The following PRR27 variants were observed in gnomAD, a reference collection of about 807,000 sequenced individuals.
The protein encoded by PRR27 is proline-rich protein 27.
Under a neutral mutation model 16.8 loss-of-function variants are expected in PRR27, and 12 were observed. The observed-to-expected ratio is 0.71, with a 90% CI of 0.46 to 1.16. The LOEUF (loss-of-function observed/expected upper bound fraction) is 1.16. Among genes scored for constraint, PRR27 ranks in the 50% most tolerant of loss-of-function variants. The probability of loss-of-function intolerance (pLI) is 0.00; values close to 1 mark genes in which losing one functional copy is unlikely to be tolerated. For synonymous variants in PRR27, 100 were observed against 98.4 expected (o/e 1.02, Z -0.10); for missense variants, 277 against 273.3 (o/e 1.01, Z -0.10).
At chr4:70,154,451 G>T in intron 1 of PRR27, 25 bp downstream of exon 1, 1 of 1,560,218 alleles carries the variant, frequency 6.4e-7, no homozygotes, top group Non-Finnish European at 8.8e-7. Context: ...TTCCAAAATT[G>T]TAACAATTGT....
intron 2 of PRR27, among the ~76,000 whole-genome samples, chr4:70,157,582 G>A (rs1728515979): frequency 6.6e-6 from 1 of 151,868 alleles, no homozygotes; most frequent in African/African-American, 2.4e-5. Context: ...GCAGTGGCCT[G>A]ATCTCAGCTC....
chr4:70,155,918 A>C, intron 1 of PRR27, 136 bp from the exon 2 acceptor site: 1 of 590,854 alleles, frequency 1.7e-6, no homozygotes, highest in Non-Finnish European at 3.0e-6. Flanking sequence ...AAAAAAATTC[A>C]TATTAGTTAC....
At chr4:70,159,368 G>A (rs146269643) in intron 3 of PRR27, among the ~76,000 whole-genome samples, 13 of 152,234 alleles carry the variant, frequency 8.5e-5, no homozygotes, top group East Asian at 1.9e-4. Context: ...CAGATACGCC[G>A]TAATTCATTT....
At chr4:70,154,883 C>A in intron 1 of PRR27, 1 of 684,174 alleles carries the variant, frequency 1.5e-6, no homozygotes, top group Non-Finnish European at 2.2e-6. Context: ...TAGTGTAATG[C>A]AATGGCCTTT....
At chr4:70,161,523 A>G (rs545384696) in intron 3 of PRR27, 63 bp from the exon 4 acceptor site, 21 of 1,070,444 alleles carry the variant, frequency 2.0e-5, no homozygotes, top group Middle Eastern at 2.1e-4. Context: ...AGATAGGCCC[A>G]ATACTATGAA....
chr4:70,161,690 T>A, intron 4 of PRR27, 60 bp downstream of exon 4: 1 of 759,198 alleles, frequency 1.3e-6, no homozygotes, highest in Non-Finnish European at 2.1e-6. Context: ...AATCTCATAA[T>A]CTGAAGCTAC....
At chr4:70,160,524 C>T (rs1382344565) in intron 3 of PRR27, among the ~76,000 whole-genome samples, 1 of 149,678 alleles carries the variant, frequency 6.7e-6, no homozygotes, top group Non-Finnish European at 1.5e-5. Flanking sequence ...TATGCTAGGA[C>T]AATCATAGAG....
At position 70,158,734 on chromosome 4, in the gene PRR27, A is replaced by C. The variant is rs140275745; in HGVS notation, c.482A>C (p.Glu161Ala). ...GAPVAAEPAA[E>A]APVGAEPAAE... ...CCTGTTGCAGCTGAGCCTGCTGCAG[A>C]GGCACCTGTTGGAGCTGAGCCTGCT... The change falls in exon 3 of 5, where the codon GAG (glutamate) becomes GCG (alanine). Residue 161 changes from glutamate to alanine, a missense_variant. By Grantham distance (107) the Glu-to-Ala change is moderately radical (BLOSUM62 -1). Coordinates refer to ENST00000344526, the MANE Select transcript of PRR27 (RefSeq NM_214711.4). The C allele has an allele frequency of 6.7e-5, 105 of 1,576,576 alleles. No individual in the cohort carries two copies. The highest frequency in any genetic ancestry group is 1.7e-4 in the Middle Eastern group (1 of 5,996).
At chr4:70,161,245 A>G (rs1215398945) in intron 3 of PRR27, among the ~76,000 whole-genome samples, 1 of 137,874 alleles carries the variant, frequency 7.3e-6, no homozygotes, top group Admixed American at 7.6e-5. Flanking sequence ...CCTGTAGCTC[A>G]TGGTTCACAT....
chr4:70,155,458 G>A (rs1261010559), intron 1 of PRR27, among the ~76,000 whole-genome samples: 1 of 151,600 alleles, frequency 6.6e-6, no homozygotes, highest in African/African-American at 2.4e-5. Flanking sequence ...TCCGCCTCTC[G>A]GGTTCACGCC....
chr4:70,158,463 G>C lies in PRR27; in HGVS notation c.211G>C (p.Gly71Arg), dbSNP rs1404050578. The C allele has an allele frequency of 1.1e-5, 18 of 1,614,080 alleles. No homozygotes were observed. The highest frequency in any genetic ancestry group is 1.4e-5 in the Non-Finnish European group (17 of 1,179,998). The change falls in exon 3 of 5, where the codon GGG becomes CGG. Residue 71 changes from glycine (G) to arginine (R), a missense_variant. Coordinates refer to ENST00000344526, the MANE Select transcript of PRR27 (RefSeq NM_214711.4). ...SYPGNTYTDT[G>R]LPSYPWILTS... ...CCCTGGGAATACTTACACTGACACA[G>C]GGTTACCTTCGTATCCCTGGATTCT...
chr4:70,160,443 C>CTCTCTCTCTGTGTGTGTG lies in PRR27; in HGVS notation c.649-1142_649-1141insCTCTCTCTGTGTGTGTGT, dbSNP rs1298386504. The stretch of plus-strand genomic sequence containing the variant: ...TCTCTCTCTCTCTCTCTCTCTCTCT[C>CTCTCTCTCTGTGTGTGTG]TGTGTGTGTGTGTGTGTGTGTGTGT... On this transcript the variant is annotated intron_variant, in intron 3 of 4. Coordinates refer to ENST00000344526, the MANE Select transcript of PRR27 (RefSeq NM_214711.4). 4.6e-3 allele frequency among the ~76,000 whole-genome samples: 316 copies of CTCTCTCTCTGTGTGTGTG among 68,670 alleles called. 7 individuals carry two copies. Among genetic ancestry groups the CTCTCTCTCTGTGTGTGTG allele is most frequent in the East Asian group, 0.028 (51 of 1,794 alleles). 45.1% of individuals were successfully genotyped at this position (68,670 alleles called of 152,430 possible).
chr4:70,161,956 A>C (rs886581797), intron 4 of PRR27, among the ~76,000 whole-genome samples: 1 of 152,196 alleles, frequency 6.6e-6, no homozygotes, highest in Non-Finnish European at 1.5e-5. Flanking sequence ...TATACATAGA[A>C]AGAGGCATTG....
At chr4:70,155,559 G>C (rs1233356210) in intron 1 of PRR27, among the ~76,000 whole-genome samples, 2 of 151,998 alleles carry the variant, frequency 1.3e-5, no homozygotes, top group Non-Finnish European at 1.5e-5. Flanking sequence ...TAGTAGAGAC[G>C]GGGTTTCACC....
chr4:70,154,700 A>T, intron 1 of PRR27: 2 of 1,308,214 alleles, frequency 1.5e-6, no homozygotes, highest in Non-Finnish European at 2.1e-6. Context: ...GAAAAGCAGG[A>T]TCCCACGTAG....
chr4:70,164,570 C>T lies in PRR27; in HGVS notation c.*1909C>T, dbSNP rs1005921301. The T allele has an allele frequency of 5.9e-5, 9 of 152,074 alleles. No individual in the cohort carries two copies. The highest frequency in any genetic ancestry group is 2.2e-4 in the African/African-American group (9 of 41,424). 9.4% of individuals were successfully genotyped at this position (152,074 alleles called of 1,614,324 possible). A position where few individuals can be genotyped will look rare whatever the true frequency, so the allele number is the denominator to read the frequency against. On this transcript the variant is annotated 3_prime_UTR_variant, in exon 5 of 5. Transcript: ENST00000344526. ...CAATAATCTGAAACTATTATAGTAT[C>T]TGTCTTTCACAGATACATGCAATAT...
chr4:70,158,185 G>T, intron 2 of PRR27, 143 bp from the exon 3 acceptor site: 7 of 590,134 alleles, frequency 1.2e-5, no homozygotes, highest in South Asian at 5.1e-5. Context: ...CAAAAATATG[G>T]AAGTACACTA....
intron 3 of PRR27, among the ~76,000 whole-genome samples, chr4:70,159,553 C>T (rs1474077234): frequency 6.6e-6 from 1 of 152,060 alleles, no homozygotes; most frequent in African/African-American, 2.4e-5. Flanking sequence ...CATATCTTTA[C>T]ACACACACAT....
chr4:70,161,156 G>GTATATATATATATATA (rs371303125), intron 3 of PRR27, among the ~76,000 whole-genome samples: 2,390 of 93,636 alleles, frequency 0.026, 76 homozygotes, highest in African/African-American at 0.057. Context: ...TATGAACACT[G>GTATATATATATATATA]TATATATATA....
Sources: allele counts gnomAD v4.1 joint callset (sites outside exome capture counted in the v4.1 genomes callset), GRCh38; gene constraint gnomAD v4.1.1; transcripts MANE v1.5; gene names NCBI Gene and HGNC (gene_info 2026-07-23, HGNC 2026-07-21).